Variants in CLCN5 observed in about 807,000 individuals in gnomAD.
The protein encoded by CLCN5 is H(+)/Cl(-) exchange transporter 5.
Under a neutral mutation model 54.0 loss-of-function variants are expected in CLCN5, and 17 were observed. That is an observed-to-expected ratio of 0.31 (90% CI 0.22 to 0.47). The LOEUF (loss-of-function observed/expected upper bound fraction) is 0.47, where lower values mean the gene tolerates loss of function less well. Among genes scored for constraint, CLCN5 ranks in the 20% least tolerant of loss-of-function variants. CLCN5 has a pLI of 1.00. For synonymous variants in CLCN5, 222 were observed against 233.0 expected, an observed-to-expected ratio of 0.95 and a Z score of 0.43; for missense variants, 448 against 646.7, an observed-to-expected ratio of 0.69 and a Z score of 3.33.
rs371063255 is a variant in CLCN5 at position 49,939,655 on chromosome X, G to A, written c.16+14341G>A. On this transcript the variant is annotated intron_variant, in intron 3 of 14. Transcript: ENST00000376091. Reference sequence around the variant, plus strand: ...GCCTGTCGTGGGGTAGGGGGTAGAGGGGAGGGATAGCATTAGGAGGTATAC... The same window carrying A: ...GCCTGTCGTGGGGTAGGGGGTAGAGAGGAGGGATAGCATTAGGAGGTATAC... Among the ~76,000 whole-genome samples the A allele has an allele frequency of 4.2e-4, 46 of 110,684 alleles. 1 individual carries two copies. The highest frequency in any genetic ancestry group is 4.0e-3 in the East Asian group (14 of 3,509).
In CLCN5 at chrX:50,035,399, A is replaced by T. The variant is rs191843513; in HGVS notation, c.17-6917A>T. On this transcript the variant is annotated intron_variant, in intron 3 of 14. Coordinates refer to ENST00000376091, the MANE Select transcript of CLCN5 (RefSeq NM_001127898.4). ...TTCCTCCCCAACTGGAATACTCCTC[A>T]GTAAGCATTTATTGAACACCTACTC... Among the ~76,000 whole-genome samples the T allele has an allele frequency of 7.4e-3, 825 of 111,754 alleles. 12 individuals carry two copies. Among genetic ancestry groups the T allele is most frequent in the African/African-American group, 0.026 (802 of 30,785 alleles).
intron 12 of CLCN5, 60 bp downstream of exon 12, chrX:50,088,944 T>C: frequency 1.9e-6 from 2 of 1,051,032 alleles, no homozygotes; most frequent in Non-Finnish European, 1.3e-6. Context: ...CAGAAGAGTT[T>C]ATTAAACACA....
At chrX:50,067,980 G>C (rs1396455824) in intron 4 of CLCN5, 2 of 112,798 alleles carry the variant, frequency 1.8e-5, no homozygotes, top group African/African-American at 6.5e-5. Context: ...GCTAGAAGCT[G>C]TTGCAGATCT....
At chrX:50,010,419 T>G (rs1371247814) in intron 3 of CLCN5, among the ~76,000 whole-genome samples, 1 of 110,376 alleles carries the variant, frequency 9.1e-6, no homozygotes, top group East Asian at 2.9e-4. Context: ...TTGTGTTTAT[T>G]TTTTGTAGAG....
intron 3 of CLCN5, among the ~76,000 whole-genome samples, chrX:50,009,238 A>G (rs868952978): frequency 8.9e-6 from 1 of 111,965 alleles, no homozygotes. Flanking sequence ...CTTTGAGAGC[A>G]TGAGCTTTCT....
intron 3 of CLCN5, among the ~76,000 whole-genome samples, chrX:50,016,724 GCC>G (rs1930807986): frequency 9.2e-6 from 1 of 108,620 alleles, no homozygotes; most frequent in Non-Finnish European, 1.9e-5. Flanking sequence ...TCTGAGTTCT[GCC>G]TATTTATCCC....
intron 3 of CLCN5, among the ~76,000 whole-genome samples, chrX:50,010,914 C>T (rs1263806982): frequency 3.3e-5 from 3 of 91,480 alleles, no homozygotes; most frequent in Non-Finnish European, 6.1e-5. Flanking sequence ...GTGTACAGTT[C>T]AGGGAGGAGA....
chrX:50,000,591 C>CA (rs782402788), intron 3 of CLCN5, among the ~76,000 whole-genome samples: 1 of 111,631 alleles, frequency 9.0e-6, no homozygotes, highest in Admixed American at 9.5e-5. Context: ...TGTGGGTACA[C>CA]ACAGCTTTAG....
In CLCN5 at chrX:50,081,554, A is replaced by G. The variant is rs1379139336; in HGVS notation, c.727-87A>G. The stretch of plus-strand genomic sequence containing the variant: ...TATATGTCACTTATTCAAAAGGTGC[A>G]GTTTCTATAATGAGGTCCAGATTTT... On this transcript the variant is annotated intron_variant, in intron 8 of 14. Coordinates refer to ENST00000376091, the MANE Select transcript of CLCN5 (RefSeq NM_001127898.4). 1.2e-5 allele frequency: 8 copies of G among 682,071 alleles called. No individual in the cohort carries two copies. The African/African-American group carries it at 1.5e-4, about 13-fold the overall frequency. 56.2% of individuals were successfully genotyped at this position (682,071 alleles called of 1,213,427 possible).
intron 3 of CLCN5, chrX:50,014,816 C>A (rs782431699): frequency 4.3e-6 from 1 of 234,596 alleles, no homozygotes; most frequent in African/African-American, 3.4e-5. Context: ...CTCTGGTGGG[C>A]TTGTCTGTGT....
At chrX:49,970,657 T>C (rs1169038234) in intron 3 of CLCN5, among the ~76,000 whole-genome samples, 1 of 112,362 alleles carries the variant, frequency 8.9e-6, no homozygotes, top group African/African-American at 3.2e-5. Context: ...AATCCATTCA[T>C]CAGTTGATGG....
intron 4 of CLCN5, among the ~76,000 whole-genome samples, chrX:50,057,048 G>A (rs1274251252): frequency 9.0e-6 from 1 of 111,081 alleles, no homozygotes; most frequent in African/African-American, 3.3e-5. Flanking sequence ...CCAAAGCAGT[G>A]GATCACTAAA....
At chrX:50,051,972 A>T (rs1557188419) in intron 4 of CLCN5, among the ~76,000 whole-genome samples, 3 of 111,621 alleles carry the variant, frequency 2.7e-5, no homozygotes, top group Admixed American at 9.5e-5. Flanking sequence ...CAGTTATGTC[A>T]TCTGCAAATA....
intron 6 of CLCN5, among the ~76,000 whole-genome samples, chrX:50,073,851 C>T (rs1328718969): frequency 2.7e-5 from 3 of 111,746 alleles, no homozygotes; most frequent in Non-Finnish European, 3.8e-5. Flanking sequence ...CAGCTGTGAC[C>T]AGAAAAACTT....
At chrX:50,013,559 A>C (rs1286990300) in intron 3 of CLCN5, among the ~76,000 whole-genome samples, 1 of 111,727 alleles carries the variant, frequency 9.0e-6, no homozygotes, top group Non-Finnish European at 1.9e-5. Context: ...ACATGCTCAC[A>C]TTGTGCATGC....
chrX:50,018,560 G>C (rs1930903442), intron 3 of CLCN5, among the ~76,000 whole-genome samples: 1 of 111,978 alleles, frequency 8.9e-6, no homozygotes, highest in Admixed American at 9.5e-5. Flanking sequence ...AAAGTCTTGA[G>C]TCTTGTACAA....
chrX:50,007,559 A>G (rs1419042956), intron 3 of CLCN5, among the ~76,000 whole-genome samples: 1 of 109,397 alleles, frequency 9.1e-6, no homozygotes, highest in Admixed American at 9.8e-5. Context: ...ATTGAAGGAG[A>G]ACCTCATCAA....
intron 4 of CLCN5, among the ~76,000 whole-genome samples, chrX:50,058,696 C>G (rs1181080934): frequency 3.6e-5 from 4 of 111,844 alleles, no homozygotes; most frequent in Non-Finnish European, 7.5e-5. Flanking sequence ...GCAAATTAGC[C>G]TTTTGGGGGC....
chrX:50,043,445 C>A (rs887890068), intron 4 of CLCN5, among the ~76,000 whole-genome samples: 1 of 112,126 alleles, frequency 8.9e-6, no homozygotes, highest in African/African-American at 3.2e-5. Flanking sequence ...ACAATCTTAG[C>A]AGTGCTGACA....
Sources: gnomAD v4.1 joint callset for allele counts (sites outside exome capture counted in the v4.1 genomes callset) on GRCh38, gnomAD v4.1.1 for gene constraint, MANE v1.5 for transcripts, NCBI Gene and HGNC (gene_info 2026-07-23, HGNC 2026-07-21) for gene names.